MSR1: variants seen among roughly 807,000 people sequenced by gnomAD.
The protein encoded by MSR1 is macrophage scavenger receptor 1.
Under a neutral mutation model 47.2 loss-of-function variants are expected in MSR1, and 53 were observed. The observed-to-expected ratio is 1.12, with a 90% CI of 0.90 to 1.41. The LOEUF (loss-of-function observed/expected upper bound fraction) is 1.41, where lower values mean the gene tolerates loss of function less well. Among genes scored for constraint, MSR1 ranks in the 40% most tolerant of loss-of-function variants. The pLI is 0.00. For missense variants in MSR1, 786 were observed against 546.9 expected (o/e 1.44, Z -4.36); for synonymous variants, 239 against 185.6 (o/e 1.29, Z -2.34).
intron 1 of MSR1, among the ~76,000 whole-genome samples, chr8:16,190,289 G>A (rs975768684): frequency 3.9e-5 from 6 of 151,988 alleles, no homozygotes; most frequent in Admixed American, 3.9e-4. Context: ...AAACTATTTT[G>A]AACTTCTTGG....
intron 8 of MSR1, among the ~76,000 whole-genome samples, chr8:16,132,000 T>G (rs1800271793): frequency 7.6e-6 from 1 of 132,012 alleles, no homozygotes; most frequent in African/African-American, 3.9e-5. Context: ...ACAATAGGGT[T>G]TTTTTTTTTT....
chr8:16,147,591 T>C (rs1800735838), intron 7 of MSR1, among the ~76,000 whole-genome samples: 1 of 152,176 alleles, frequency 6.6e-6, no homozygotes, highest in Admixed American at 6.6e-5. Flanking sequence ...ACTTTATCTA[T>C]CACGGACCTG....
At chr8:16,183,345 C>T (rs1194304947) in intron 1 of MSR1, among the ~76,000 whole-genome samples, 1 of 151,700 alleles carries the variant, frequency 6.6e-6, no homozygotes, top group African/African-American at 2.4e-5. Context: ...GAACTCTGAA[C>T]GAGTAGGGAC....
intron 1 of MSR1, among the ~76,000 whole-genome samples, chr8:16,186,901 T>C (rs888421028): frequency 6.6e-6 from 1 of 152,074 alleles, no homozygotes; most frequent in Non-Finnish European, 1.5e-5. Context: ...ACACATGAGC[T>C]ATTGAGCATG....
chr8:16,191,991 T>G (rs1413013470), intron 1 of MSR1, among the ~76,000 whole-genome samples: 4 of 152,316 alleles, frequency 2.6e-5, no homozygotes, highest in Non-Finnish European at 4.4e-5. Context: ...TTATCTATAG[T>G]ACTTTCATAC....
At position 16,175,211 on chromosome 8, in the gene MSR1, T is replaced by C; in HGVS notation, c.193A>G (p.Ile65Val). The change falls in exon 3 of 10, where the codon ATC becomes GTC. Residue 65 changes from isoleucine to valine, a missense_variant. Coordinates refer to ENST00000262101, the MANE Select transcript of MSR1 (RefSeq NM_138715.3). Reference protein sequence around the residue: ...ALYLLVFAVLIPLIGIVAAQL... With the variant: ...ALYLLVFAVLVPLIGIVAAQL... ...CCTGCCACTATTCCAATGAGAGGGA[T>C]GAGAACTGCAAACACGAGGAGGTAA... is the stretch of plus-strand genomic sequence containing the variant. 1.2e-6 allele frequency: 2 copies of C among 1,614,010 alleles called. No homozygotes were observed. Among genetic ancestry groups the C allele is most frequent in the East Asian group, 4.5e-5 (2 of 44,836 alleles).
intron 2 of MSR1, among the ~76,000 whole-genome samples, chr8:16,177,666 G>A (rs1278014780): frequency 6.6e-6 from 1 of 152,138 alleles, no homozygotes; most frequent in East Asian, 1.9e-4. Context: ...TGGGAAGCCA[G>A]AAGGCTCAAT....
intron 6 of MSR1, among the ~76,000 whole-genome samples, chr8:16,154,140 G>T (rs949177802): frequency 6.6e-6 from 1 of 151,700 alleles, no homozygotes; most frequent in African/African-American, 2.4e-5. Context: ...AAATTTTTCT[G>T]ATGTGACCAG....
At chr8:16,146,168 C>T (rs1452318742) in intron 7 of MSR1, among the ~76,000 whole-genome samples, 4 of 151,962 alleles carry the variant, frequency 2.6e-5, no homozygotes, top group African/African-American at 9.7e-5. Flanking sequence ...CTTTCCATCC[C>T]CCGTTTCTTT....
rs1162319738 is a variant in MSR1, at chr8:16,139,747, TAAAAAAAAAAAAAAAAAA to T, written c.1033+3793_1033+3810del. On this transcript the variant is annotated intron_variant, in intron 8 of 9. Coordinates refer to ENST00000262101, the MANE Select transcript of MSR1 (RefSeq NM_138715.3). ...CCAAGCTCGACTACACTTCAAAACT[TAAAAAAAAAAAAAAAAAA>T]AAAAAAAAAATATATATATATATAT... is the stretch of plus-strand genomic sequence containing the variant. 6 of 146,616 alleles carry T rather than the reference TAAAAAAAAAAAAAAAAAA, an allele frequency of 4.1e-5. No individual in the cohort carries two copies. The African/African-American group carries it at 6.6e-4, about 16-fold the overall frequency. The allele number at this position is 146,616 out of a possible 1,614,324, so 9.1% of individuals were successfully genotyped here.
chr8:16,133,857 C>A (rs1038418080), intron 8 of MSR1, among the ~76,000 whole-genome samples: 2 of 152,164 alleles, frequency 1.3e-5, no homozygotes, highest in African/African-American at 2.4e-5. Flanking sequence ...AGTTTTGGCA[C>A]CCATCTAGAA....
intron 1 of MSR1, among the ~76,000 whole-genome samples, chr8:16,183,352 G>A (rs945149252): frequency 1.3e-5 from 2 of 151,558 alleles, no homozygotes; most frequent in South Asian, 2.1e-4. Context: ...GAACGAGTAG[G>A]GACCATGTCT....
chr8:16,124,937 T>C (rs1438460680), intron 8 of MSR1, among the ~76,000 whole-genome samples: 1 of 152,138 alleles, frequency 6.6e-6, no homozygotes, highest in Non-Finnish European at 1.5e-5. Context: ...TAATATTTCA[T>C]AAGTCTTCAG....
At chr8:16,157,989 C>G (rs1585170948) in intron 5 of MSR1, among the ~76,000 whole-genome samples, 2 of 151,820 alleles carry the variant, frequency 1.3e-5, no homozygotes, top group Admixed American at 6.6e-5. Flanking sequence ...TTGTAGTCAC[C>G]TTTTGTTCGT....
chr8:16,166,981 G>A (rs370779384), intron 4 of MSR1, among the ~76,000 whole-genome samples: 2 of 151,206 alleles, frequency 1.3e-5, no homozygotes, highest in Non-Finnish European at 1.5e-5. Context: ...GCACGCACTG[G>A]CACTGACCTA....
intron 7 of MSR1, among the ~76,000 whole-genome samples, chr8:16,145,988 A>G (rs1045372320): frequency 3.3e-5 from 5 of 152,134 alleles, no homozygotes; most frequent in Non-Finnish European, 5.9e-5. Context: ...ACCAGGTCAT[A>G]TGTAGGAGGA....
intron 8 of MSR1, 66 bp from the exon 9 acceptor site, chr8:16,120,672 CTTT>C: frequency 6.8e-7 from 1 of 1,479,592 alleles, no homozygotes; most frequent in Non-Finnish European, 8.9e-7. Flanking sequence ...GTACATACTG[CTTT>C]ACAGCACTTT....
At chr8:16,153,642 C>CTAT (rs1800920386) in intron 6 of MSR1, among the ~76,000 whole-genome samples, 1 of 151,886 alleles carries the variant, frequency 6.6e-6, no homozygotes, top group African/African-American at 2.4e-5. Flanking sequence ...ATAAATCCTT[C>CTAT]TATTTCATAC....
At chr8:16,130,392 T>C (rs1800228129) in intron 8 of MSR1, among the ~76,000 whole-genome samples, 2 of 152,184 alleles carry the variant, frequency 1.3e-5, no homozygotes, top group Admixed American at 1.3e-4. Context: ...TTTTCCTTTG[T>C]TTCAAATGCT....
Sources: allele counts gnomAD v4.1 joint callset (sites outside exome capture counted in the v4.1 genomes callset), GRCh38; gene constraint gnomAD v4.1.1; transcripts MANE v1.5; gene names NCBI Gene and HGNC (gene_info 2026-07-23, HGNC 2026-07-21).